Variants in DCC observed in about 807,000 individuals in gnomAD.
DCC encodes DCC netrin 1 receptor.
In DCC, 58 loss-of-function variants were observed where a neutral mutation model predicts 172.5. That is an observed-to-expected ratio of 0.34 (90% CI 0.27 to 0.42). DCC has a LOEUF of 0.42. Among genes scored for constraint, DCC ranks in the 10% least tolerant of loss-of-function variants. The pLI, the probability that DCC is intolerant of heterozygous loss-of-function variation, is 1.00. For missense variants in DCC, 1,740 were observed against 1,791.0 expected, an observed-to-expected ratio of 0.97 and a Z score of 0.51; for synonymous variants, 709 against 644.5, an observed-to-expected ratio of 1.10 and a Z score of -1.52.
intron 5 of DCC, among the ~76,000 whole-genome samples, chr18:52,996,698 G>GA (rs2041485181): frequency 6.7e-6 from 1 of 149,356 alleles, no homozygotes; most frequent in African/African-American, 2.5e-5. Context: ...ATCATGCTTT[G>GA]AAAAAATAAG....
intron 22 of DCC, among the ~76,000 whole-genome samples, chr18:53,436,615 G>A (rs1402305959): frequency 6.6e-6 from 1 of 152,054 alleles, no homozygotes; most frequent in Non-Finnish European, 1.5e-5. Flanking sequence ...TCTCTCCTCT[G>A]GCCAATGGTA....
At chr18:53,100,729 T>C (rs1256180917) in intron 7 of DCC, among the ~76,000 whole-genome samples, 1 of 152,094 alleles carries the variant, frequency 6.6e-6, no homozygotes, top group Non-Finnish European at 1.5e-5. Context: ...GGATGTCTAG[T>C]TGTGCTGGTC....
chr18:53,370,296 T>A (rs748482288), intron 15 of DCC, among the ~76,000 whole-genome samples: 4 of 151,768 alleles, frequency 2.6e-5, no homozygotes, highest in Non-Finnish European at 1.5e-5. Context: ...AGGAATGGTA[T>A]CCCCATTTTA....
chr18:52,678,736 A>C (rs1027219964), intron 1 of DCC, among the ~76,000 whole-genome samples: 2 of 152,190 alleles, frequency 1.3e-5, no homozygotes, highest in Admixed American at 6.5e-5. Context: ...ATGCCACGAA[A>C]GATTTAATTA....
At chr18:53,335,942 G>T (rs998094436) in intron 14 of DCC, among the ~76,000 whole-genome samples, 1 of 152,064 alleles carries the variant, frequency 6.6e-6, no homozygotes, top group Non-Finnish European at 1.5e-5. Flanking sequence ...TCATTATCAC[G>T]ATAATAGCAC....
intron 12 of DCC, among the ~76,000 whole-genome samples, chr18:53,232,099 C>T (rs768919147): frequency 1.3e-5 from 2 of 152,040 alleles, no homozygotes; most frequent in Non-Finnish European, 2.9e-5. Flanking sequence ...AATTGTTTCC[C>T]CTGGGACTAT....
rs191019478 is a variant in DCC, at chr18:53,303,108, G to T, written c.1912-2470G>T. On this transcript the variant is annotated intron_variant, in intron 12 of 28. Transcript: ENST00000442544. ...GCTTTTTTATTCTCTCCTCAGGGGT[G>T]TTGGAAATTGAGAACCAAATCTCTA... Among the ~76,000 whole-genome samples the T allele has an allele frequency of 4.5e-4, 68 of 152,214 alleles. 1 individual carries two copies. The East Asian group carries it at 6.8e-3, about 15-fold the overall frequency.
chr18:52,884,923 C>T (rs1412406319), intron 2 of DCC, among the ~76,000 whole-genome samples: 1 of 152,150 alleles, frequency 6.6e-6, no homozygotes, highest in Non-Finnish European at 1.5e-5. Flanking sequence ...AGAGGTACCA[C>T]TATGGTGGCC....
intron 1 of DCC, among the ~76,000 whole-genome samples, chr18:52,656,014 GTGTGTATATATATGTATATA>G (rs1568277624): frequency 9.1e-6 from 1 of 110,312 alleles, no homozygotes; most frequent in Non-Finnish European, 2.0e-5. Flanking sequence ...ATATATATAT[GTGTGTATATATATGTATATA>G]TGTGTGTATA....
At chr18:52,422,424 G>T (rs1987279583) in intron 1 of DCC, among the ~76,000 whole-genome samples, 1 of 152,110 alleles carries the variant, frequency 6.6e-6, no homozygotes, top group African/African-American at 2.4e-5. Context: ...TGGCTTAAAT[G>T]TCCAGAACAT....
chr18:52,437,143 A>G (rs1987821755), intron 1 of DCC, among the ~76,000 whole-genome samples: 1 of 152,166 alleles, frequency 6.6e-6, no homozygotes, highest in Admixed American at 6.5e-5. Context: ...TTTAAAATAT[A>G]ATTTTAAATA....
chr18:53,304,933 C>T (rs562161851), intron 12 of DCC, among the ~76,000 whole-genome samples: 6 of 152,204 alleles, frequency 3.9e-5, no homozygotes, highest in Admixed American at 2.6e-4. Context: ...GGGAGGGACC[C>T]GTTGGGAGGT....
intron 27 of DCC, among the ~76,000 whole-genome samples, chr18:53,513,792 G>A (rs2046294057): frequency 6.7e-6 from 1 of 148,866 alleles, no homozygotes; most frequent in Non-Finnish European, 1.5e-5. Context: ...ACCCAATACA[G>A]GAGCACCAAG....
At chr18:52,907,918 T>C (rs947789827) in intron 3 of DCC, among the ~76,000 whole-genome samples, 4 of 152,196 alleles carry the variant, frequency 2.6e-5, no homozygotes, top group African/African-American at 7.2e-5. Context: ...CCAACTCTTA[T>C]TTTACTTTCT....
intron 1 of DCC, among the ~76,000 whole-genome samples, chr18:52,643,804 GAGA>G (rs1248660045): frequency 6.6e-6 from 1 of 152,198 alleles, no homozygotes; most frequent in East Asian, 1.9e-4. Flanking sequence ...AGGCAAAGAG[GAGA>G]AGAAGAAGCC....
intron 15 of DCC, among the ~76,000 whole-genome samples, chr18:53,374,462 T>A (rs1271626808): frequency 1.3e-5 from 2 of 152,206 alleles, no homozygotes; most frequent in Non-Finnish European, 2.9e-5. Context: ...ATCATCTAAC[T>A]GGCATGCTGG....
At chr18:53,196,302 C>T (rs913396473) in intron 9 of DCC, among the ~76,000 whole-genome samples, 2 of 152,114 alleles carry the variant, frequency 1.3e-5, no homozygotes, top group Admixed American at 1.3e-4. Flanking sequence ...CCATGCAGTC[C>T]AGAATCTTCG....
chr18:52,375,011 C>T (rs1168293977), intron 1 of DCC, among the ~76,000 whole-genome samples: 1 of 152,184 alleles, frequency 6.6e-6, no homozygotes, highest in Admixed American at 6.5e-5. Context: ...TGCCATCCCT[C>T]GATTTAACAA....
intron 8 of DCC, among the ~76,000 whole-genome samples, chr18:53,160,588 G>A (rs4940240): frequency 0.39 from 58,974 of 151,966 alleles, 12,601 homozygotes; most frequent in East Asian, 0.71. Flanking sequence ...TAGCTAGATG[G>A]AAAGGTGTAA....
Sources: gnomAD v4.1 joint callset for allele counts (sites outside exome capture counted in the v4.1 genomes callset) on GRCh38, gnomAD v4.1.1 for gene constraint, MANE v1.5 for transcripts, NCBI Gene and HGNC (gene_info 2026-07-23, HGNC 2026-07-21) for gene names.